C1orf185: variants seen among roughly 807,000 people sequenced by gnomAD.
The protein encoded by C1orf185 is chromosome 1 open reading frame 185.
In C1orf185, 13 loss-of-function variants were observed where a neutral mutation model predicts 16.1. The observed-to-expected ratio is 0.81, with a 90% confidence interval of 0.53 to 1.28. C1orf185 has a LOEUF of 1.28. Among genes scored for constraint, C1orf185 ranks in the 50% most tolerant of loss-of-function variants. C1orf185 has a pLI of 0.00. For synonymous variants in C1orf185, 80 were observed against 76.9 expected, an observed-to-expected ratio of 1.04 and a Z score of -0.21; for missense variants, 220 against 225.2, an observed-to-expected ratio of 0.98 and a Z score of 0.15.
intron 3 of C1orf185, among the ~76,000 whole-genome samples, chr1:51,139,029 A>G (rs1397515676): frequency 3.9e-5 from 6 of 152,076 alleles, no homozygotes; most frequent in African/African-American, 1.4e-4. Flanking sequence ...TTGATTTGCT[A>G]ATATTTTACT....
chr1:51,119,703 G>A lies in C1orf185; in HGVS notation c.258+902G>A, dbSNP rs565625536. ...TAGTCCTAGTTGTTCAGGAGGCTGA[G>A]GCAGGAGGATCCTTTAAGTACAGGA... On this transcript the variant is annotated intron_variant, in intron 3 of 4. Transcript: ENST00000371759. Among the ~76,000 whole-genome samples, 3 of 152,326 alleles carry A rather than the reference G, an allele frequency of 2.0e-5. No homozygotes were observed. In the East Asian group the frequency reaches 5.8e-4, roughly 29 times the overall value.
chr1:51,127,514 G>A (rs763760644), intron 3 of C1orf185, among the ~76,000 whole-genome samples: 7 of 152,152 alleles, frequency 4.6e-5, no homozygotes, highest in Non-Finnish European at 1.0e-4. Context: ...TCGAGCTCCT[G>A]ACCTCAGGTG....
At chr1:51,118,064 C>T (rs1328078738) in intron 2 of C1orf185, among the ~76,000 whole-genome samples, 1 of 152,158 alleles carries the variant, frequency 6.6e-6, no homozygotes. Context: ...CAGGCATGTG[C>T]TACCATGCCC....
chr1:51,132,270 A>C (rs1646291485), intron 3 of C1orf185, among the ~76,000 whole-genome samples: 1 of 152,240 alleles, frequency 6.6e-6, no homozygotes, highest in South Asian at 2.1e-4. Context: ...AATAGAATTC[A>C]GAATATGAAT....
chr1:51,136,876 A>G (rs1646329089), intron 3 of C1orf185, among the ~76,000 whole-genome samples: 1 of 152,244 alleles, frequency 6.6e-6, no homozygotes, highest in African/African-American at 2.4e-5. Flanking sequence ...AGACACCAAT[A>G]GCAATTGCAA....
At chr1:51,144,887 A>G (rs550809283) in intron 3 of C1orf185, among the ~76,000 whole-genome samples, 1 of 152,228 alleles carries the variant, frequency 6.6e-6, no homozygotes, top group African/African-American at 2.4e-5. Flanking sequence ...CAAACGCTCT[A>G]TGCTTTTGCC....
intron 3 of C1orf185, among the ~76,000 whole-genome samples, chr1:51,124,347 G>A (rs1646222140): frequency 6.6e-6 from 1 of 152,234 alleles, no homozygotes; most frequent in Non-Finnish European, 1.5e-5. Flanking sequence ...CTTCCAAAGT[G>A]CTGGGATTAT....
chr1:51,122,596 A>T (rs1331351384), intron 3 of C1orf185, among the ~76,000 whole-genome samples: 1 of 152,216 alleles, frequency 6.6e-6, no homozygotes, highest in African/African-American at 2.4e-5. Context: ...ACATTGACAC[A>T]TAATAATCCA....
intron 1 of C1orf185, among the ~76,000 whole-genome samples, chr1:51,106,554 G>T (rs1646073644): frequency 6.6e-6 from 1 of 152,080 alleles, no homozygotes; most frequent in Non-Finnish European, 1.5e-5. Flanking sequence ...GAGGGAGGAT[G>T]AGAGGATTGC....
intron 3 of C1orf185, among the ~76,000 whole-genome samples, chr1:51,127,712 G>T (rs1157320546): frequency 6.6e-6 from 1 of 152,066 alleles, no homozygotes; most frequent in Admixed American, 6.6e-5. Context: ...GTTATTGTGT[G>T]TGTTAGAACT....
chr1:51,128,098 A>G lies in C1orf185; in HGVS notation c.258+9297A>G, dbSNP rs375621363. 5.3e-5 allele frequency among the ~76,000 whole-genome samples: 8 copies of G among 152,094 alleles called. No homozygotes were observed. The East Asian group carries it at 1.6e-3, about 30-fold the overall frequency. On this transcript the variant is annotated intron_variant, in intron 3 of 4. Coordinates refer to ENST00000371759, the MANE Select transcript of C1orf185 (RefSeq NM_001136508.2). The stretch of plus-strand genomic sequence containing the variant: ...GAGATCAGGTTTCACCATGTTGACC[A>G]GGCTGGATTAGAACTTTTGACCTCC...
In C1orf185 at chr1:51,147,537, C is replaced by T. The variant is rs764659090; in HGVS notation, c.366C>T (p.Thr122=). Reference sequence around the variant, plus strand: ...ATATCATTTGTGATCCCTCAGAGACCAGCTCCACAACAAATCGCAGCAGTG... The same window carrying T: ...ATATCATTTGTGATCCCTCAGAGACTAGCTCCACAACAAATCGCAGCAGTG... ...TKNIICDPSE[T]SSTTNRSSVT... is the part of the protein sequence containing the mutation. Residue 122 remains threonine (T), a synonymous_variant, in exon 5 of 5, where the codon ACC becomes ACT. Transcript: ENST00000371759. 58 of 1,551,238 alleles carry T rather than the reference C, an allele frequency of 3.7e-5. 1 individual carries two copies. The highest frequency in any genetic ancestry group is 1.8e-4 in the Admixed American group (9 of 50,912).
chr1:51,135,337 C>T (rs1025205889), intron 3 of C1orf185, among the ~76,000 whole-genome samples: 1 of 152,142 alleles, frequency 6.6e-6, no homozygotes, highest in African/African-American at 2.4e-5. Context: ...GTTGGGAGTT[C>T]AAGACCAGCC....
At chr1:51,136,849 C>A (rs764490794) in intron 3 of C1orf185, among the ~76,000 whole-genome samples, 3 of 152,046 alleles carry the variant, frequency 2.0e-5, no homozygotes, top group Non-Finnish European at 4.4e-5. Context: ...TAGAAATGGG[C>A]AAAGATTTCA....
At chr1:51,105,741 C>G (rs184640325) in intron 1 of C1orf185, among the ~76,000 whole-genome samples, 1 of 152,034 alleles carries the variant, frequency 6.6e-6, no homozygotes. Flanking sequence ...AGATAGGATA[C>G]TTAAGAGTGG....
At chr1:51,127,441 C>T (rs561502850) in intron 3 of C1orf185, among the ~76,000 whole-genome samples, 46 of 152,172 alleles carry the variant, frequency 3.0e-4, no homozygotes, top group African/African-American at 1.1e-3. Flanking sequence ...ACGCATGCCA[C>T]CAAGCCCAGC....
At chr1:51,106,999 C>T (rs568943627) in intron 1 of C1orf185, among the ~76,000 whole-genome samples, 6 of 152,208 alleles carry the variant, frequency 3.9e-5, no homozygotes, top group East Asian at 3.9e-4. Flanking sequence ...CCTTGTGATC[C>T]GCCCACCTCA....
At chr1:51,107,621 T>A (rs997050380) in intron 1 of C1orf185, among the ~76,000 whole-genome samples, 7 of 152,170 alleles carry the variant, frequency 4.6e-5, no homozygotes, top group Non-Finnish European at 8.8e-5. Flanking sequence ...CACATATAGA[T>A]CTAGTTTATT....
chr1:51,106,807 G>C (rs975434967), intron 1 of C1orf185, among the ~76,000 whole-genome samples: 1 of 149,434 alleles, frequency 6.7e-6, no homozygotes, highest in Admixed American at 6.7e-5. Flanking sequence ...CACCAGGCTG[G>C]AGTGCAGTGG....
Sources: gnomAD v4.1 joint callset for allele counts (sites outside exome capture counted in the v4.1 genomes callset) on GRCh38, gnomAD v4.1.1 for gene constraint, MANE v1.5 for transcripts, NCBI Gene and HGNC (gene_info 2026-07-23, HGNC 2026-07-21) for gene names.